Variants in HMGB3 observed in about 807,000 individuals in gnomAD.
HMGB3 encodes high mobility group box 3, also known as high mobility group protein B3.
A neutral mutation model predicts 12.9 loss-of-function variants in HMGB3; 1 was observed. The ratio of observed to expected loss-of-function variants is 0.08; its 90% confidence interval spans 0.03 to 0.37. The LOEUF is 0.37. HMGB3 is among the 10% of genes least tolerant of loss of function. The pLI, the probability that HMGB3 is intolerant of heterozygous loss-of-function variation, is 0.99. For synonymous variants in HMGB3, 61 were observed against 53.9 expected, an observed-to-expected ratio of 1.13 and a Z score of -0.57; for missense variants, 74 against 153.3, an observed-to-expected ratio of 0.48 and a Z score of 2.73.
Position 150,983,395 on chromosome X carries a change from G to A in HMGB3, c.-6+19G>A, listed in dbSNP as rs2048006803. ...AATACAGGTACGTCTCGCACCGCCCGCTCCCGCCGCCGCCGCCGCCGCCGC... is the reference window on the plus strand; with the variant it reads ...AATACAGGTACGTCTCGCACCGCCCACTCCCGCCGCCGCCGCCGCCGCCGC... On this transcript the variant is annotated intron_variant, in intron 1 of 4. Coordinates refer to ENST00000325307, the MANE Select transcript of HMGB3 (RefSeq NM_005342.4). The A allele has an allele frequency of 2.7e-6, 2 of 736,076 alleles. No individual in the cohort carries two copies. Among genetic ancestry groups the A allele is most frequent in the Non-Finnish European group, 3.1e-6 (2 of 635,335 alleles). The allele number at this position is 736,076 out of a possible 1,213,427, so 60.7% of individuals were successfully genotyped here.
intron 3 of HMGB3, among the ~76,000 whole-genome samples, chrX:150,986,423 TTGTC>T (rs1479759722): frequency 9.1e-6 from 1 of 109,959 alleles, no homozygotes; most frequent in Non-Finnish European, 1.9e-5. Flanking sequence ...TTCACAGTGG[TTGTC>T]TGTTGGCCTT....
At chrX:150,981,493 G>A (rs1375575252), upstream of HMGB3, among the ~76,000 whole-genome samples, 4 of 93,337 alleles carry the variant, frequency 4.3e-5, no homozygotes, top group East Asian at 9.9e-4. Flanking sequence ...TTTTTTTTTC[G>A]GAGTCTTGCT....
In HMGB3 at chrX:150,983,346, C is replaced by G. The variant is rs1557425127; in HGVS notation, c.-36C>G. The G allele has an allele frequency of 1.3e-6, 1 of 755,621 alleles. No homozygotes were observed. Among genetic ancestry groups the G allele is most frequent in the Non-Finnish European group, 1.6e-6 (1 of 640,072 alleles). The allele number at this position is 755,621 out of a possible 1,213,427, so 62.3% of individuals were successfully genotyped here. On this transcript the variant is annotated 5_prime_UTR_variant, in exon 1 of 5. Transcript: ENST00000325307. Reference sequence around the variant, plus strand: ...GGGAGCGCTGAGCCGCGCGTCGTGCCCTGCGCTGCCCAGACTAGCGAACAA... The same window carrying G: ...GGGAGCGCTGAGCCGCGCGTCGTGCGCTGCGCTGCCCAGACTAGCGAACAA...
rs1242622991 is a variant in HMGB3, at chrX:150,989,302, G to T, written c.*1388G>T. Reference sequence around the variant, plus strand: ...TGTGGGATGGGGTGGTGGGGTAGGGGACGGTATCCTTTTTTTGCTCCTACT... The same window carrying T: ...TGTGGGATGGGGTGGTGGGGTAGGGTACGGTATCCTTTTTTTGCTCCTACT... On this transcript the variant is annotated 3_prime_UTR_variant, in exon 5 of 5. Coordinates refer to ENST00000325307, the MANE Select transcript of HMGB3 (RefSeq NM_005342.4). The T allele has an allele frequency of 9.0e-6, 1 of 110,964 alleles. No individual in the cohort carries two copies. Among genetic ancestry groups the T allele is most frequent in the Non-Finnish European group, 1.9e-5 (1 of 53,030 alleles). 9.1% of individuals were successfully genotyped at this position (110,964 alleles called of 1,213,427 possible).
At chrX:150,983,039 C>G (rs2048002353), upstream of HMGB3, among the ~76,000 whole-genome samples, 1 of 112,814 alleles carries the variant, frequency 8.9e-6, no homozygotes, top group African/African-American at 3.2e-5. Context: ...AGGGCCACCT[C>G]TTCAAAGCCC....
At position 150,988,785 on chromosome X, in the gene HMGB3, A is replaced by G. The variant is rs901802112; in HGVS notation, c.*871A>G. 5.3e-5 allele frequency: 6 copies of G among 112,210 alleles called. No individual in the cohort carries two copies. Among genetic ancestry groups the G allele is most frequent in the Non-Finnish European group, 1.1e-4 (6 of 53,196 alleles). The allele number at this position is 112,210 out of a possible 1,213,427, so 9.2% of individuals were successfully genotyped here. On this transcript the variant is annotated 3_prime_UTR_variant, in exon 5 of 5. Transcript: ENST00000325307. ...ATTTTTAAAACTCTTCTCTATTATA[A>G]CAGTCAATTTCTGACTCACAGCAGT...
rs1165033916 is a variant in HMGB3, at chrX:150,988,751, CAG to C, written c.*838_*839del. 2 of 112,009 alleles carry C rather than the reference CAG, an allele frequency of 1.8e-5. No homozygotes were observed. Among genetic ancestry groups the C allele is most frequent in the African/African-American group, 3.3e-5 (1 of 30,751 alleles). The allele number at this position is 112,009 out of a possible 1,213,427, so 9.2% of individuals were successfully genotyped here. ...TGAAATGTTTTTGAAGTTAAATAAA[CAG>C]TATTACATTTTTAAAACTCTTCTCT... On this transcript the variant is annotated 3_prime_UTR_variant, in exon 5 of 5. Transcript: ENST00000325307.
chrX:150,983,445 CGCCGCCGCA>C (rs1211605439), intron 1 of HMGB3, 69 bp downstream of exon 1: 3 of 236,520 alleles, frequency 1.3e-5, no homozygotes, highest in Non-Finnish European at 1.6e-5. Flanking sequence ...CCGCCGCCGC[CGCCGCCGCA>C]GCGCCCGCAC....
At chrX:150,983,972 C>T (rs1263801292) in intron 1 of HMGB3, among the ~76,000 whole-genome samples, 6 of 104,256 alleles carry the variant, frequency 5.8e-5, no homozygotes, top group Non-Finnish European at 1.0e-4. Context: ...TCTGCGTTAA[C>T]ATGGCCGTCG....
chrX:150,985,858 T>C, intron 2 of HMGB3, 109 bp downstream of exon 2: 1 of 854,912 alleles, frequency 1.2e-6, no homozygotes, highest in East Asian at 3.1e-5. Context: ...CTTTTACTTT[T>C]ACTTAGAATC....
At chrX:150,984,421 C>T (rs1285279050) in intron 1 of HMGB3, 2 of 102,785 alleles carry the variant, frequency 1.9e-5, no homozygotes, top group African/African-American at 3.5e-5. Flanking sequence ...CCCGCGCCGG[C>T]CGCGCGCGGA....
At chrX:150,980,953 T>C (rs1381117350), upstream of HMGB3, among the ~76,000 whole-genome samples, 2 of 112,569 alleles carry the variant, frequency 1.8e-5, no homozygotes, top group South Asian at 3.6e-4. Context: ...CTGTGGGCAG[T>C]TGCTGGGCAG....
intron 3 of HMGB3, 136 bp downstream of exon 3, chrX:150,986,326 GCAAAC>G: frequency 2.1e-6 from 1 of 477,620 alleles, no homozygotes. Context: ...CAATACCTCT[GCAAAC>G]CATTCTGTAC....
rs781904617 is a variant in HMGB3 at position 150,987,334 on chromosome X, A to ATAGG, written c.465+32_465+33insTAGG. On this transcript the variant is annotated intron_variant, in intron 4 of 4. Transcript: ENST00000325307. ...TGGGGCTGGAAGCCTGGACTGGTGA[A>ATAGG]CAGGCAGTGGTTCTGCTATCAGTAG... 34 of 1,138,186 alleles carry ATAGG rather than the reference A, an allele frequency of 3.0e-5. No homozygotes were observed. The African/African-American group carries it at 5.5e-4, about 18-fold the overall frequency. 93.8% of individuals were successfully genotyped at this position (1,138,186 alleles called of 1,213,427 possible).
Position 150,984,673 on chromosome X carries a change from T to G in HMGB3, c.-5-922T>G. 1.9e-5 allele frequency: 9 copies of G among 485,231 alleles called. No individual in the cohort carries two copies. In the South Asian group the frequency reaches 8.7e-4, roughly 47 times the overall value. 40.0% of individuals were successfully genotyped at this position (485,231 alleles called of 1,213,427 possible). A position where few individuals can be genotyped will look rare whatever the true frequency, so the allele number is the denominator to read the frequency against. ...ACCCGGCACGGGGGCCGAGGCGGGC[T>G]GCCTGCTGCCGGCCGGGACTCCCCC... On this transcript the variant is annotated intron_variant, in intron 1 of 4. Coordinates refer to ENST00000325307, the MANE Select transcript of HMGB3 (RefSeq NM_005342.4).
intron 1 of HMGB3, chrX:150,984,590 C>T (rs2124445128): frequency 1.3e-6 from 1 of 746,732 alleles, no homozygotes; most frequent in South Asian, 6.9e-5. Context: ...TTCAGGGGCA[C>T]TTTCTTTCAT....
At chrX:150,983,070 C>A (rs977879562), upstream of HMGB3, among the ~76,000 whole-genome samples, 1 of 112,579 alleles carries the variant, frequency 8.9e-6, no homozygotes, top group Admixed American at 9.3e-5. Context: ...CAGTTCTGTT[C>A]CCCGAGGGGG....
chrX:150,988,140 T>C lies in HMGB3; in HGVS notation c.*226T>C, dbSNP rs2048074146. 10 of 353,969 alleles carry C rather than the reference T, an allele frequency of 2.8e-5. No individual in the cohort carries two copies. The South Asian group carries it at 9.5e-4, about 34-fold the overall frequency. The allele number at this position is 353,969 out of a possible 1,213,427, so 29.2% of individuals were successfully genotyped here. A position where few individuals can be genotyped will look rare whatever the true frequency, so the allele number is the denominator to read the frequency against. ...AAACTGTATCAAAGTTGTACATATT[T>C]CCAAACATTTTTAAAATGAAAAGGC... On this transcript the variant is annotated 3_prime_UTR_variant, in exon 5 of 5. Coordinates refer to ENST00000325307, the MANE Select transcript of HMGB3 (RefSeq NM_005342.4).
At chrX:150,983,473 G>A in intron 1 of HMGB3, 97 bp downstream of exon 1, 1 of 746,101 alleles carries the variant, frequency 1.3e-6, no homozygotes, top group Non-Finnish European at 1.6e-6. Context: ...ACAACTTTCC[G>A]GCCCGCGCCG....
Sources: gnomAD v4.1 joint callset for allele counts (sites outside exome capture counted in the v4.1 genomes callset) on GRCh38, gnomAD v4.1.1 for gene constraint, MANE v1.5 for transcripts, NCBI Gene and HGNC (gene_info 2026-07-23, HGNC 2026-07-21) for gene names.